The following SGCZ variants were observed in gnomAD, a reference collection of about 807,000 sequenced individuals.
SGCZ encodes the protein zeta-sarcoglycan.
In SGCZ, 40 loss-of-function variants were observed where a neutral mutation model predicts 41.3. The observed-to-expected ratio is 0.97, with a 90% CI of 0.75 to 1.26. The LOEUF is 1.26. Among genes scored for constraint, SGCZ ranks in the 50% most tolerant of loss-of-function variants. SGCZ has a pLI of 0.00. For synonymous variants in SGCZ, 206 were observed against 137.5 expected (o/e 1.50, Z -3.49); for missense variants, 552 against 369.8 (o/e 1.49, Z -4.04).
intron 1 of SGCZ, among the ~76,000 whole-genome samples, chr8:14,951,306 A>C (rs1251965433): frequency 6.6e-6 from 1 of 152,126 alleles, no homozygotes; most frequent in East Asian, 1.9e-4. Flanking sequence ...GAACATTCTA[A>C]AATTATTTTA....
At chr8:14,933,462 C>G (rs1194272185) in intron 1 of SGCZ, among the ~76,000 whole-genome samples, 1 of 129,438 alleles carries the variant, frequency 7.7e-6, no homozygotes, top group Non-Finnish European at 1.6e-5. Flanking sequence ...GACGGAGTCT[C>G]GCTCTGTCGT....
At chr8:14,638,002 G>C (rs1053582962) in intron 1 of SGCZ, among the ~76,000 whole-genome samples, 3 of 151,740 alleles carry the variant, frequency 2.0e-5, no homozygotes, top group Admixed American at 6.6e-5. Flanking sequence ...TTTAGTAATA[G>C]TCATTTTTGA....
At chr8:14,900,555 C>G (rs980996344) in intron 1 of SGCZ, among the ~76,000 whole-genome samples, 1 of 152,128 alleles carries the variant, frequency 6.6e-6, no homozygotes, top group African/African-American at 2.4e-5. Context: ...AGCTGAATGA[C>G]AGCCCTGATT....
At chr8:14,881,734 A>G (rs1361055004) in intron 1 of SGCZ, among the ~76,000 whole-genome samples, 1 of 152,224 alleles carries the variant, frequency 6.6e-6, no homozygotes, top group East Asian at 1.9e-4. Flanking sequence ...AGTGTACCTG[A>G]TAGGTATCAA....
At position 14,194,059 on chromosome 8, in the gene SGCZ, T is replaced by C. The variant is rs182229695; in HGVS notation, c.425-29357A>G. On this transcript the variant is annotated intron_variant, in intron 4 of 7. Transcript: ENST00000382080. ...AATATATATTGAAACAAATAACATA[T>C]ATTTCTCATGGAAATAAAGAAACAT... 4.6e-3 allele frequency among the ~76,000 whole-genome samples: 701 copies of C among 151,942 alleles called. 4 individuals are homozygous for C. The highest frequency in any genetic ancestry group is 0.016 in the African/African-American group (659 of 41,526).
At chr8:14,916,035 T>G (rs1585375974) in intron 1 of SGCZ, among the ~76,000 whole-genome samples, 1 of 152,290 alleles carries the variant, frequency 6.6e-6, no homozygotes, top group Admixed American at 6.5e-5. Flanking sequence ...GAGTGACAAC[T>G]GAAACACGAA....
At chr8:15,213,079 C>G (rs1220856195) in intron 1 of SGCZ, among the ~76,000 whole-genome samples, 1 of 151,560 alleles carries the variant, frequency 6.6e-6, no homozygotes, top group Non-Finnish European at 1.5e-5. Context: ...TCTTGAGGGG[C>G]GACATAAAGG....
At chr8:14,562,129 T>C (rs1563412349) in intron 1 of SGCZ, among the ~76,000 whole-genome samples, 1 of 152,136 alleles carries the variant, frequency 6.6e-6, no homozygotes. Context: ...TTTTTTACCT[T>C]AGTCCCTTGC....
intron 1 of SGCZ, among the ~76,000 whole-genome samples, chr8:15,203,284 A>G (rs762710547): frequency 6.6e-6 from 1 of 152,192 alleles, no homozygotes; most frequent in Non-Finnish European, 1.5e-5. Context: ...AAAAGTTTCT[A>G]AACGGTCTTT....
intron 2 of SGCZ, among the ~76,000 whole-genome samples, chr8:14,341,416 A>G (rs969881389): frequency 4.6e-5 from 7 of 152,128 alleles, no homozygotes; most frequent in Non-Finnish European, 1.0e-4. Context: ...CAATTCCTCC[A>G]CATCATCACT....
intron 2 of SGCZ, among the ~76,000 whole-genome samples, chr8:14,357,756 G>A (rs1029163722): frequency 1.3e-5 from 2 of 152,116 alleles, no homozygotes; most frequent in Non-Finnish European, 2.9e-5. Flanking sequence ...CTAATTTGCA[G>A]CTGAGAAAAT....
chr8:14,134,774 T>C (rs2117065724), intron 5 of SGCZ, among the ~76,000 whole-genome samples: 1 of 152,170 alleles, frequency 6.6e-6, no homozygotes, highest in East Asian at 1.9e-4. Context: ...TTTTTTTAAA[T>C]CAGGGTTTGG....
intron 5 of SGCZ, among the ~76,000 whole-genome samples, chr8:14,117,330 G>C (rs1247452808): frequency 6.8e-6 from 1 of 147,636 alleles, no homozygotes; most frequent in Non-Finnish European, 1.5e-5. Flanking sequence ...AGGGTAAACA[G>C]ATATTCAATA....
At chr8:14,140,275 C>T (rs1351715587) in intron 5 of SGCZ, among the ~76,000 whole-genome samples, 1 of 151,876 alleles carries the variant, frequency 6.6e-6, no homozygotes, top group Non-Finnish European at 1.5e-5. Flanking sequence ...ACAAGGATGC[C>T]CTTCCACCAC....
At chr8:15,130,500 T>C (rs1481698221) in intron 1 of SGCZ, among the ~76,000 whole-genome samples, 4 of 152,210 alleles carry the variant, frequency 2.6e-5, no homozygotes, top group Non-Finnish European at 5.9e-5. Context: ...AAATAAATAT[T>C]ACAGGAAGCT....
chr8:14,603,651 A>T (rs998067302), intron 1 of SGCZ, among the ~76,000 whole-genome samples: 3 of 152,196 alleles, frequency 2.0e-5, no homozygotes, highest in Admixed American at 2.0e-4. Context: ...AGACCCACAA[A>T]TGCAATTTAG....
chr8:15,114,338 G>T (rs1807187000), intron 1 of SGCZ, among the ~76,000 whole-genome samples: 1 of 152,102 alleles, frequency 6.6e-6, no homozygotes, highest in South Asian at 2.1e-4. Flanking sequence ...CTAGTTTGCT[G>T]TGTTGTAAAG....
At chr8:14,596,288 A>G (rs1805411296) in intron 1 of SGCZ, among the ~76,000 whole-genome samples, 1 of 152,190 alleles carries the variant, frequency 6.6e-6, no homozygotes, top group African/African-American at 2.4e-5. Context: ...CACTAACTGA[A>G]TTTTGCCTAG....
intron 1 of SGCZ, among the ~76,000 whole-genome samples, chr8:14,568,740 T>C (rs186731009): frequency 4.7e-4 from 71 of 152,326 alleles, no homozygotes; most frequent in African/African-American, 1.6e-3. Flanking sequence ...TTAAATTGAT[T>C]TTCATTATAA....
Sources: gnomAD v4.1 joint callset for allele counts (sites outside exome capture counted in the v4.1 genomes callset) on GRCh38, gnomAD v4.1.1 for gene constraint, MANE v1.5 for transcripts, NCBI Gene and HGNC (gene_info 2026-07-23, HGNC 2026-07-21) for gene names.